The following BPIFB6 variants were observed in gnomAD, a reference collection of about 807,000 sequenced individuals.
BPIFB6 encodes the protein BPI fold-containing family B member 6.
BPIFB6 carries 47 observed loss-of-function variants against 54.7 expected under a neutral mutation model. The observed-to-expected ratio is 0.86, with a 90% CI of 0.68 to 1.10. The LOEUF (loss-of-function observed/expected upper bound fraction) is 1.10. BPIFB6 is among the 50% of genes least tolerant of loss of function. The pLI is 0.00. For missense variants in BPIFB6, 603 were observed against 564.1 expected (o/e 1.07, Z -0.70); for synonymous variants, 255 against 225.9 (o/e 1.13, Z -1.16).
At chr20:33,039,635 G>T (rs1979493105) in intron 10 of BPIFB6, 115 bp downstream of exon 10, 7 of 1,144,870 alleles carry the variant, frequency 6.1e-6, no homozygotes, top group Non-Finnish European at 8.5e-6. Flanking sequence ...AGTTAATCTT[G>T]ATTATGTCTG....
chr20:33,042,156 G>A, intron 12 of BPIFB6, 141 bp downstream of exon 12: 1 of 783,802 alleles, frequency 1.3e-6, no homozygotes. Flanking sequence ...CACCTGACTT[G>A]CCGTGTGAGC....
Position 33,043,202 on chromosome 20 carries a change from A to G in BPIFB6, c.1253-89A>G, listed in dbSNP as rs1005347282. On this transcript the variant is annotated intron_variant, in intron 13 of 14. Transcript: ENST00000349552. Reference sequence around the variant, plus strand: ...GCAGGCATCATGAATCAATCACTGCACTATTTCCCACTATCCCTACCCCAG... The same window carrying G: ...GCAGGCATCATGAATCAATCACTGCGCTATTTCCCACTATCCCTACCCCAG... 3.6e-6 allele frequency: 4 copies of G among 1,120,408 alleles called. No homozygotes were observed. The African/African-American group carries it at 6.1e-5, about 17-fold the overall frequency. The allele number at this position is 1,120,408 out of a possible 1,614,324, so 69.4% of individuals were successfully genotyped here. A position where few individuals can be genotyped will look rare whatever the true frequency, so the allele number is the denominator to read the frequency against.
At chr20:33,039,726 C>G (rs1336640875) in intron 10 of BPIFB6, among the ~76,000 whole-genome samples, 1 of 152,256 alleles carries the variant, frequency 6.6e-6, no homozygotes, top group Non-Finnish European at 1.5e-5. Flanking sequence ...CTTCCTTTCT[C>G]TTTCCTCCCT....
At chr20:33,041,517 G>A (rs1275752603) in intron 11 of BPIFB6, among the ~76,000 whole-genome samples, 3 of 152,178 alleles carry the variant, frequency 2.0e-5, no homozygotes, top group African/African-American at 7.2e-5. Context: ...ATAGAGAATA[G>A]ATGAGCAGAG....
chr20:33,043,430 A>G, intron 14 of BPIFB6, 63 bp downstream of exon 14: 1 of 1,464,306 alleles, frequency 6.8e-7, no homozygotes, highest in Non-Finnish European at 9.6e-7. Context: ...GTGATGAGCA[A>G]GAGCCTACCT....
chr20:33,034,247 A>G lies in BPIFB6; in HGVS notation c.259A>G (p.Ile87Val), dbSNP rs200878625. 1.5e-5 allele frequency: 24 copies of G among 1,614,130 alleles called. No individual in the cohort carries two copies. The African/African-American group carries it at 2.9e-4, about 20-fold the overall frequency. Residue 87 changes from isoleucine to valine, a missense_variant, in exon 3 of 15, where the codon ATC (isoleucine) becomes GTC (valine). Ile to Val is a conservative substitution (Grantham distance 29). Coordinates refer to ENST00000349552, the MANE Select transcript of BPIFB6 (RefSeq NM_174897.2). ...ITLNFVPGVG[I>V]FQCVSTGMTV... ...ACTGAACTTTGTACCTGGAGTGGGC[A>G]TCTTCCAATGTGTGTCCACAGGCAT...
intron 1 of BPIFB6, 81 bp downstream of exon 1, chr20:33,031,825 A>G: frequency 5.2e-6 from 6 of 1,153,830 alleles, no homozygotes; most frequent in Non-Finnish European, 6.5e-6. Flanking sequence ...TCTTGGTTGC[A>G]CATCCTGGAG....
chr20:33,043,364 A>G lies in BPIFB6; in HGVS notation c.1326A>G (p.Val442=), dbSNP rs571835566. 3 of 1,614,090 alleles carry G rather than the reference A, an allele frequency of 1.9e-6. No individual in the cohort carries two copies. Among genetic ancestry groups the G allele is most frequent in the African/African-American group, 2.7e-5 (2 of 75,054 alleles). The change falls in exon 14 of 15, where the codon GTA becomes GTG. Residue 442 remains valine, a synonymous_variant. Transcript: ENST00000349552. ...ACAACCTGGCTGAGCTGGACATAGT[A>G]GAGGTGAGAGGAGGGGCTAGGGGAG... ...MNYNLAELDI[V]ENALMLDLKL... is the part of the protein sequence containing the mutation.
chr20:33,038,498 C>A (rs1037393034), intron 8 of BPIFB6, among the ~76,000 whole-genome samples: 1 of 152,168 alleles, frequency 6.6e-6, no homozygotes, highest in Non-Finnish European at 1.5e-5. Flanking sequence ...CATCATCCAT[C>A]CATGTATTCT....
intron 11 of BPIFB6, among the ~76,000 whole-genome samples, chr20:33,041,650 G>A (rs1979591463): frequency 6.6e-6 from 1 of 152,184 alleles, no homozygotes; most frequent in African/African-American, 2.4e-5. Flanking sequence ...ATCTGAGACT[G>A]CCCAGTTGGG....
chr20:33,032,306 A>G (rs548213431), intron 1 of BPIFB6, among the ~76,000 whole-genome samples: 1 of 152,328 alleles, frequency 6.6e-6, no homozygotes, highest in African/African-American at 2.4e-5. Context: ...CTGTTCTACC[A>G]GCTCAGTGTT....
At chr20:33,042,236 A>T (rs1238487934) in intron 12 of BPIFB6, among the ~76,000 whole-genome samples, 1 of 152,074 alleles carries the variant, frequency 6.6e-6, no homozygotes, top group Admixed American at 6.5e-5. Context: ...ATCTCCCTGG[A>T]TTGGTTTTAA....
At chr20:33,038,088 A>G (rs1304962813) in intron 8 of BPIFB6, among the ~76,000 whole-genome samples, 1 of 152,142 alleles carries the variant, frequency 6.6e-6, no homozygotes, top group Non-Finnish European at 1.5e-5. Context: ...CTATCCTTCC[A>G]ACTAGCATCC....
intron 10 of BPIFB6, 127 bp downstream of exon 10, chr20:33,039,647 T>A (rs1979494222): frequency 2.8e-6 from 3 of 1,073,986 alleles, no homozygotes; most frequent in East Asian, 5.3e-5. Flanking sequence ...TTATGTCTGA[T>A]CCTTGGCTCT....
chr20:33,042,884 G>C lies in BPIFB6; in HGVS notation c.1252+6G>C, dbSNP rs375927019. The C allele has an allele frequency of 2.3e-4, 378 of 1,613,694 alleles. No homozygotes were observed. Among genetic ancestry groups the C allele is most frequent in the Admixed American group, 4.2e-4 (25 of 59,982 alleles). On this transcript the variant is annotated splice_donor_region_variant and intron_variant, in intron 13 of 14. Coordinates refer to ENST00000349552, the MANE Select transcript of BPIFB6 (RefSeq NM_174897.2). Reference sequence around the variant, plus strand: ...CTACATCCCAGTTGTCAATGGTGAGGGTTCCAAAAGGCTTTGGACCATGGT... The same window carrying C: ...CTACATCCCAGTTGTCAATGGTGAGCGTTCCAAAAGGCTTTGGACCATGGT...
intron 14 of BPIFB6, 101 bp from the exon 15 acceptor site, chr20:33,043,914 C>T: frequency 6.9e-7 from 1 of 1,441,408 alleles, no homozygotes; most frequent in African/African-American, 1.4e-5. Flanking sequence ...GCTTAACCAC[C>T]ACACTGGTTT....
At chr20:33,040,172 G>A in intron 10 of BPIFB6, 79 bp from the exon 11 acceptor site, 3 of 1,264,986 alleles carry the variant, frequency 2.4e-6, no homozygotes, top group Non-Finnish European at 3.5e-6. Flanking sequence ...AGTGCTGGGA[G>A]GGTGGTGGTC....
At chr20:33,035,015 G>A in intron 4 of BPIFB6, 66 bp from the exon 5 acceptor site, 1 of 1,609,638 alleles carries the variant, frequency 6.2e-7, no homozygotes. Context: ...GCCCCTTCAT[G>A]TCCTGTGCCT....
Position 33,041,924 on chromosome 20 carries a change from C to A in BPIFB6, c.1143-46C>A. The A allele has an allele frequency of 1.3e-6, 2 of 1,591,202 alleles. 1 individual carries two copies. Among genetic ancestry groups the A allele is most frequent in the South Asian group, 2.2e-5 (2 of 90,328 alleles). On this transcript the variant is annotated intron_variant, in intron 11 of 14. Coordinates refer to ENST00000349552, the MANE Select transcript of BPIFB6 (RefSeq NM_174897.2). The stretch of plus-strand genomic sequence containing the variant: ...CAGCGCCAGGGCCACTGGCTCTGAC[C>A]GTTCTTTCCCCTCCCCGCCTGGCTT...
Sources: allele counts gnomAD v4.1 joint callset (sites outside exome capture counted in the v4.1 genomes callset), GRCh38; gene constraint gnomAD v4.1.1; transcripts MANE v1.5; gene names NCBI Gene and HGNC (gene_info 2026-07-23, HGNC 2026-07-21).